Variants in PPM1L observed in about 807,000 individuals in gnomAD.
PPM1L encodes protein phosphatase 1L.
Under a neutral mutation model 31.4 loss-of-function variants are expected in PPM1L, and 13 were observed. That is an observed-to-expected ratio of 0.41 (90% CI 0.27 to 0.66). PPM1L has a LOEUF of 0.66. Among genes scored for constraint, PPM1L ranks in the 30% least tolerant of loss-of-function variants. The pLI, the probability that PPM1L is intolerant of heterozygous loss-of-function variation, is 0.29. For missense variants in PPM1L, 326 were observed against 453.7 expected (o/e 0.72, Z 2.56); for synonymous variants, 184 against 175.4 (o/e 1.05, Z -0.39).
At chr3:161,039,098 A>G (rs1220421758) in intron 2 of PPM1L, among the ~76,000 whole-genome samples, 2 of 152,240 alleles carry the variant, frequency 1.3e-5, no homozygotes, top group Non-Finnish European at 2.9e-5. Context: ...CTTATTTAGC[A>G]TAACATCAAC....
At chr3:160,840,516 G>A (rs899817305) in intron 1 of PPM1L, among the ~76,000 whole-genome samples, 7 of 152,084 alleles carry the variant, frequency 4.6e-5, no homozygotes, top group African/African-American at 1.7e-4. Flanking sequence ...TACAGTGGAC[G>A]GCATGCAAGC....
At chr3:160,780,836 T>G (rs1253497684) in intron 1 of PPM1L, among the ~76,000 whole-genome samples, 1 of 152,176 alleles carries the variant, frequency 6.6e-6, no homozygotes, top group Non-Finnish European at 1.5e-5. Flanking sequence ...AGGGCACACA[T>G]GGTTCAGTTC....
At chr3:160,944,886 A>ATATAATATGTTATATATAATATATG (rs199625635) in intron 1 of PPM1L, among the ~76,000 whole-genome samples, 10 of 46,896 alleles carry the variant, frequency 2.1e-4, no homozygotes, top group African/African-American at 4.1e-4. Flanking sequence ...TAACATATAT[A>ATATAATATGTTATATATAATATATG]TTATATATAA....
At chr3:160,840,375 G>A (rs1713836078) in intron 1 of PPM1L, among the ~76,000 whole-genome samples, 1 of 152,136 alleles carries the variant, frequency 6.6e-6, no homozygotes. Context: ...TTGCTCACTA[G>A]GTATCTGTAT....
In PPM1L at chr3:160,756,704, A is replaced by T. The variant is rs1560098863; in HGVS notation, c.396A>T (p.Gly132=). 2 of 1,612,172 alleles carry T rather than the reference A, an allele frequency of 1.2e-6. No individual in the cohort carries two copies. Among genetic ancestry groups the T allele is most frequent in the Admixed American group, 1.7e-5 (1 of 59,898 alleles). ...TCGGGATCTTCGACGGGCACGGGGGAGAGGTAGGAGCTACCCCGGGGCTTT... is the reference window on the plus strand; with the variant it reads ...TCGGGATCTTCGACGGGCACGGGGGTGAGGTAGGAGCTACCCCGGGGCTTT... The part of the protein sequence containing the change: ...SIFGIFDGHG[G]ETAAEYVKSR... Residue 132 remains glycine, a synonymous_variant, in exon 1 of 4, where the codon GGA becomes GGT. Coordinates refer to ENST00000498165, the MANE Select transcript of PPM1L (RefSeq NM_139245.4). The surrounding 1 kb of genome is among the most constrained non-coding windows in gnomAD (Gnocchi z 6.2).
intron 1 of PPM1L, among the ~76,000 whole-genome samples, chr3:160,920,330 T>C (rs1714343818): frequency 6.6e-6 from 1 of 152,096 alleles, no homozygotes; most frequent in Non-Finnish European, 1.5e-5. Flanking sequence ...AGCTTGCCCC[T>C]TCTCCTCCCC....
chr3:160,995,015 G>A (rs907726803), intron 2 of PPM1L, among the ~76,000 whole-genome samples: 5 of 152,100 alleles, frequency 3.3e-5, no homozygotes, highest in Non-Finnish European at 5.9e-5. Context: ...AGATGATGAG[G>A]AAGGTTGTAG....
chr3:160,788,771 G>T (rs1712012439), intron 1 of PPM1L, among the ~76,000 whole-genome samples: 1 of 151,844 alleles, frequency 6.6e-6, no homozygotes, highest in Admixed American at 6.6e-5. Context: ...TATTTTTCCA[G>T]CTTGCTATAA....
rs897834215 is a variant in PPM1L, at chr3:161,060,219, A to G, written c.575-5184A>G. On this transcript the variant is annotated intron_variant, in intron 2 of 3. Transcript: ENST00000498165. The stretch of plus-strand genomic sequence containing the variant: ...CTGAAGATGTCACATTTGAGCTACA[A>G]CATCTTCATATGGGTCAGTCAACCA... Among the ~76,000 whole-genome samples the G allele has an allele frequency of 9.3e-5, 14 of 151,350 alleles. No individual in the cohort carries two copies. In the Admixed American group the frequency reaches 9.3e-4, roughly 10 times the overall value.
At chr3:161,001,163 T>C (rs894890102) in intron 2 of PPM1L, among the ~76,000 whole-genome samples, 1 of 152,300 alleles carries the variant, frequency 6.6e-6, no homozygotes, top group East Asian at 1.9e-4. Context: ...TCACAAACTA[T>C]TTAAATTTAG....
At position 161,077,553 on chromosome 3, in the gene PPM1L, G is replaced by A. The variant is rs992036047; in HGVS notation, c.*8396G>A. 1.3e-5 allele frequency: 2 copies of A among 152,250 alleles called. No homozygotes were observed. Among genetic ancestry groups the A allele is most frequent in the Non-Finnish European group, 2.9e-5 (2 of 68,050 alleles). The allele number at this position is 152,250 out of a possible 1,614,324, so 9.4% of individuals were successfully genotyped here. A position where few individuals can be genotyped will look rare whatever the true frequency, so the allele number is the denominator to read the frequency against. ...GGCCTATTTTTATTTTTGTTCCCAA[G>A]AGACTAGTGTAATAACCTTATGCCC... On this transcript the variant is annotated 3_prime_UTR_variant, in exon 4 of 4. Coordinates refer to ENST00000498165, the MANE Select transcript of PPM1L (RefSeq NM_139245.4).
intron 2 of PPM1L, among the ~76,000 whole-genome samples, chr3:161,020,322 A>G (rs183014709): frequency 4.6e-5 from 7 of 152,312 alleles, no homozygotes; most frequent in South Asian, 4.1e-4. Flanking sequence ...CTTTAAACTT[A>G]TAAGTAATTG....
chr3:160,996,772 A>C (rs1412118479), intron 2 of PPM1L, among the ~76,000 whole-genome samples: 1 of 152,216 alleles, frequency 6.6e-6, no homozygotes, highest in African/African-American at 2.4e-5. Context: ...GTTCCCCAAA[A>C]ACCTATTGAA....
chr3:160,906,292 A>G (rs1713754562), intron 1 of PPM1L, among the ~76,000 whole-genome samples: 1 of 152,148 alleles, frequency 6.6e-6, no homozygotes, highest in Non-Finnish European at 1.5e-5. Context: ...ATATTTGTAT[A>G]ATAATTGTTG....
At chr3:160,914,839 G>C (rs1225521601) in intron 1 of PPM1L, among the ~76,000 whole-genome samples, 2 of 152,030 alleles carry the variant, frequency 1.3e-5, no homozygotes, top group Admixed American at 6.5e-5. Context: ...GGTATTTCTA[G>C]TTCTAGATCC....
intron 1 of PPM1L, among the ~76,000 whole-genome samples, chr3:160,770,013 C>T (rs987543780): frequency 5.9e-5 from 9 of 152,160 alleles, no homozygotes; most frequent in Non-Finnish European, 1.2e-4. Flanking sequence ...TCTGCTGCTA[C>T]TATAAACTGA....
intron 1 of PPM1L, among the ~76,000 whole-genome samples, chr3:160,885,875 C>T (rs1712899805): frequency 6.6e-6 from 1 of 152,236 alleles, no homozygotes; most frequent in African/African-American, 2.4e-5. Context: ...TGGCTGCCTG[C>T]TGTGTAAGCC....
At chr3:161,000,644 T>C (rs140133366) in intron 2 of PPM1L, among the ~76,000 whole-genome samples, 1 of 152,332 alleles carries the variant, frequency 6.6e-6, no homozygotes. Context: ...ATTTGTGACT[T>C]ATTTATATTG....
chr3:160,975,821 AG>A (rs1716549746), intron 2 of PPM1L, among the ~76,000 whole-genome samples: 2 of 151,164 alleles, frequency 1.3e-5, no homozygotes. Context: ...ATCTGCAAAC[AG>A]GGACAATTTG....
Sources: allele counts gnomAD v4.1 joint callset (sites outside exome capture counted in the v4.1 genomes callset), GRCh38; gene constraint gnomAD v4.1.1; non-coding constraint Gnocchi (gnomAD v3.1); transcripts MANE v1.5; gene names NCBI Gene and HGNC (gene_info 2026-07-23, HGNC 2026-07-21).